The following ALG12 variants were observed in gnomAD, a reference collection of about 807,000 sequenced individuals.
ALG12 encodes dol-P-Man:Man(7)GlcNAc(2)-PP-Dol alpha-1,6-mannosyltransferase.
ALG12 carries 36 observed loss-of-function variants against 46.0 expected under a neutral mutation model. The observed-to-expected ratio is 0.78, with a 90% CI of 0.60 to 1.03. ALG12 has a LOEUF of 1.03. Ranked by LOEUF, ALG12 falls within the 50% of genes least tolerant of loss-of-function variation. The pLI is 0.00. For missense variants in ALG12, 599 were observed against 633.5 expected, an observed-to-expected ratio of 0.95 and a Z score of 0.58; for synonymous variants, 326 against 291.6, an observed-to-expected ratio of 1.12 and a Z score of -1.20.
chr22:49,876,323 T>A, the ALG12 span, among the ~76,000 whole-genome samples: 1 of 152,214 alleles, frequency 6.6e-6, no homozygotes. Context: ...ATCTTCCGTG[T>A]CTTTACTGAT....
rs536781286 is a variant in ALG12 at position 49,916,180 on chromosome 22, G to C, written c.-79+2083C>G. The stretch of plus-strand genomic sequence containing the variant: ...AGGCAGGAGAATGGTGTGAACCCAG[G>C]AGGTGGAGCTTGCAGTGAGCCGAGA... On this transcript the variant is annotated intron_variant, in intron 1 of 9. Transcript: ENST00000330817. Among the ~76,000 whole-genome samples the C allele has an allele frequency of 3.3e-5, 5 of 152,254 alleles. No individual in the cohort carries two copies. In the South Asian group the frequency reaches 1.0e-3, roughly 32 times the overall value.
the ALG12 span, chr22:49,884,382 C>T: frequency 1.8e-5 from 29 of 1,612,438 alleles, no homozygotes; most frequent in African/African-American, 1.1e-4. Context: ...CTGACATGTC[C>T]GTTTCGGAGA....
At chr22:49,883,795 G>A in the ALG12 span, 46 of 1,613,396 alleles carry the variant, frequency 2.9e-5, no homozygotes, top group Non-Finnish European at 3.7e-5. Flanking sequence ...CTTTAAAAGC[G>A]AGCAGGAGGA....
chr22:49,916,979 C>A (rs2060613995), intron 1 of ALG12, among the ~76,000 whole-genome samples: 1 of 152,176 alleles, frequency 6.6e-6, no homozygotes, highest in Non-Finnish European at 1.5e-5. Flanking sequence ...CCTGGCGGGC[C>A]CCCAGCACCT....
rs529453771 is a variant in ALG12 at position 49,905,894 on chromosome 22, C to T, written c.993-1388G>A. 1.1e-4 allele frequency among the ~76,000 whole-genome samples: 17 copies of T among 152,284 alleles called. No homozygotes were observed. Among genetic ancestry groups the T allele is most frequent in the South Asian group, 8.3e-4 (4 of 4,832 alleles). On this transcript the variant is annotated intron_variant, in intron 7 of 9. Transcript: ENST00000330817. The surrounding 1 kb of genome is among the most constrained non-coding windows in gnomAD (Gnocchi z 4.9). ...CCCAAAGAGCTCAGCACTGCCAGGG[C>T]GTTCGTCCTTTGTTCCCGCCCAAAC...
the ALG12 span, among the ~76,000 whole-genome samples, chr22:49,867,065 C>T: frequency 6.6e-6 from 1 of 152,320 alleles, no homozygotes; most frequent in South Asian, 2.1e-4. Flanking sequence ...TGCTAACCAC[C>T]ACTTCAGCTG....
At chr22:49,884,802 CAG>C in the ALG12 span, 4 of 1,609,792 alleles carry the variant, frequency 2.5e-6, no homozygotes, top group Non-Finnish European at 3.4e-6. Context: ...TAAAGCCGGT[CAG>C]AGAGTCCCCT....
chr22:49,882,324 G>T, the ALG12 span, among the ~76,000 whole-genome samples: 1 of 152,172 alleles, frequency 6.6e-6, no homozygotes, highest in Non-Finnish European at 1.5e-5. Context: ...GGCTGAGTCG[G>T]GAGGAGGGCT....
the ALG12 span, among the ~76,000 whole-genome samples, chr22:49,871,349 G>A: frequency 6.6e-6 from 1 of 152,068 alleles, no homozygotes; most frequent in South Asian, 2.1e-4. Flanking sequence ...AGCTGGGTGT[G>A]GTGGCACGCA....
the ALG12 span, among the ~76,000 whole-genome samples, chr22:49,877,258 ATTATTTATTTATTTATTTAT>A: frequency 4.3e-4 from 62 of 144,738 alleles, no homozygotes; most frequent in East Asian, 6.1e-4. Context: ...AAACAGCTTT[ATTATTTATTTATTTATTTAT>A]TTATTTATTT....
chr22:49,886,557 C>G, the ALG12 span: 48 of 1,560,968 alleles, frequency 3.1e-5, no homozygotes, highest in Non-Finnish European at 3.7e-5. The surrounding 1 kb of genome is among the most constrained non-coding windows in gnomAD (Gnocchi z 7.7). Context: ...ACATCCTCAA[C>G]AGGAAGGTGG....
At chr22:49,887,096 G>T in the ALG12 span, 1 of 1,614,142 alleles carries the variant, frequency 6.2e-7, no homozygotes, top group South Asian at 1.1e-5. Flanking sequence ...GGTAGCCTTG[G>T]CCAATCCAGG....
chr22:49,914,544 C>T (rs901668205), intron 1 of ALG12, among the ~76,000 whole-genome samples: 4 of 152,184 alleles, frequency 2.6e-5, no homozygotes, highest in Non-Finnish European at 2.9e-5. Context: ...CTCAGGGGCC[C>T]GTGGCACGGA....
At chr22:49,895,255 C>T (rs962135591), downstream of ALG12, among the ~76,000 whole-genome samples, 1 of 152,240 alleles carries the variant, frequency 6.6e-6, no homozygotes, top group Non-Finnish European at 1.5e-5. Flanking sequence ...CATCCTCCTG[C>T]TCTAACATCC....
At chr22:49,880,094 T>TA in the ALG12 span, among the ~76,000 whole-genome samples, 1 of 151,050 alleles carries the variant, frequency 6.6e-6, no homozygotes, top group Non-Finnish European at 1.5e-5. Context: ...TAGGTTGTAG[T>TA]AAAGTTAATC....
the ALG12 span, among the ~76,000 whole-genome samples, chr22:49,882,455 T>C: frequency 6.6e-6 from 1 of 152,232 alleles, no homozygotes; most frequent in African/African-American, 2.4e-5. Flanking sequence ...AGTCTGGTTT[T>C]ATTATAGAAT....
the ALG12 span, chr22:49,884,083 A>C: frequency 2.5e-6 from 4 of 1,611,942 alleles, no homozygotes; most frequent in Non-Finnish European, 2.5e-6. Flanking sequence ...GTACTGTGTG[A>C]AGGAGTTCAG....
chr22:49,913,273 A>T, intron 3 of ALG12, 112 bp downstream of exon 3: 1 of 1,522,042 alleles, frequency 6.6e-7, no homozygotes. Context: ...GATCGAGGGC[A>T]GGCAAGACTA....
chr22:49,898,287 C>T (rs978460413), downstream of ALG12, among the ~76,000 whole-genome samples: 4 of 152,148 alleles, frequency 2.6e-5, no homozygotes, highest in South Asian at 2.1e-4. Flanking sequence ...GGATCGCAGG[C>T]GTGAGCCACC....
Sources: gnomAD v4.1 joint callset for allele counts (sites outside exome capture counted in the v4.1 genomes callset) on GRCh38, gnomAD v4.1.1 for gene constraint, Gnocchi (gnomAD v3.1) non-coding constraint, MANE v1.5 for transcripts, NCBI Gene and HGNC (gene_info 2026-07-23, HGNC 2026-07-21) for gene names.